The following HBEGF variants were observed in gnomAD, a reference collection of about 807,000 sequenced individuals.
HBEGF encodes the protein proheparin-binding EGF-like growth factor.
In HBEGF, 8 loss-of-function variants were observed where a neutral mutation model predicts 19.5. The ratio of observed to expected loss-of-function variants is 0.41; its 90% CI spans 0.24 to 0.74. The LOEUF is 0.74. Among genes scored for constraint, HBEGF ranks in the 30% least tolerant of loss-of-function variants. The pLI is 0.32. For missense variants in HBEGF, 207 were observed against 256.9 expected (o/e 0.81, Z 1.33); for synonymous variants, 97 against 108.9 (o/e 0.89, Z 0.68).
chr5:140,343,032 G>A, intron 2 of HBEGF: 4 of 548,518 alleles, frequency 7.3e-6, no homozygotes, highest in Non-Finnish European at 1.3e-5. Context: ...AGCTAGGGTG[G>A]GTCCCAAGGA....
chr5:140,344,492 T>A (rs1766364665), intron 2 of HBEGF, among the ~76,000 whole-genome samples: 2 of 152,158 alleles, frequency 1.3e-5, no homozygotes, highest in South Asian at 4.1e-4. Context: ...GGATAACATA[T>A]CAAGTGCCTA....
At chr5:140,345,275 C>G (rs968448195) in intron 2 of HBEGF, among the ~76,000 whole-genome samples, 1 of 152,192 alleles carries the variant, frequency 6.6e-6, no homozygotes, top group African/African-American at 2.4e-5. Flanking sequence ...CACAGCCCTC[C>G]CCATTTGGAG....
Position 140,342,813 on chromosome 5 carries a change from C to G in HBEGF, c.221-1G>C. The G allele has an allele frequency of 6.2e-7, 1 of 1,614,094 alleles. No individual in the cohort carries two copies. Among genetic ancestry groups the G allele is most frequent in the East Asian group, 2.2e-5 (1 of 44,886 alleles). On this transcript the variant is annotated splice_acceptor_variant, in intron 2 of 5. Transcript: ENST00000230990. LOFTEE classifies it high-confidence loss of function. ...GCTTGTGGCTTGGAGGATAAAGTGACTGTAGGAGAAAAGCACTCTGTTAAA... is the reference window on the plus strand; with the variant it reads ...GCTTGTGGCTTGGAGGATAAAGTGAGTGTAGGAGAAAAGCACTCTGTTAAA...
In HBEGF at chr5:140,346,488, T is replaced by A; in HGVS notation, c.-160A>T. 1.3e-6 allele frequency: 1 copy of A among 781,628 alleles called. No individual in the cohort carries two copies. Among genetic ancestry groups the A allele is most frequent in the Non-Finnish European group, 2.1e-6 (1 of 484,016 alleles). 48.4% of individuals were successfully genotyped at this position (781,628 alleles called of 1,614,324 possible). On this transcript the variant is annotated 5_prime_UTR_variant, in exon 1 of 6. Transcript: ENST00000230990. This position sits in a 1 kb window ranked among gnomAD's most constrained non-coding sequence, Gnocchi z 6.1. Reference sequence around the variant, plus strand: ...AGCCTGGCCGGGACCCAGGCGCAGCTCGCTCTTCTTGAGTGTCTTGTCTTG... The same window carrying A: ...AGCCTGGCCGGGACCCAGGCGCAGCACGCTCTTCTTGAGTGTCTTGTCTTG...
rs917645266 is a variant in HBEGF at position 140,333,238 on chromosome 5, G to C, written c.*1061C>G. On this transcript the variant is annotated 3_prime_UTR_variant, in exon 6 of 6. Transcript: ENST00000230990. ...CCACGCTGTGGGCCTGGGGCCATGGGGGTGAGGGACCAGGAAAGCTACAGG... is the reference window on the plus strand; with the variant it reads ...CCACGCTGTGGGCCTGGGGCCATGGCGGTGAGGGACCAGGAAAGCTACAGG... The C allele has an allele frequency of 4.6e-5, 7 of 153,718 alleles. No individual in the cohort carries two copies. Among genetic ancestry groups the C allele is most frequent in the African/African-American group, 1.7e-4 (7 of 41,470 alleles). 9.5% of individuals were successfully genotyped at this position (153,718 alleles called of 1,614,324 possible). A position where few individuals can be genotyped will look rare whatever the true frequency, so the allele number is the denominator to read the frequency against.
chr5:140,339,292 C>G (rs1437746337), intron 3 of HBEGF, among the ~76,000 whole-genome samples: 1 of 152,214 alleles, frequency 6.6e-6, no homozygotes, highest in African/African-American at 2.4e-5. Flanking sequence ...CCTCCTCAGC[C>G]CAAGTGTCCC....
intron 2 of HBEGF, chr5:140,343,033 G>T (rs956709118): frequency 1.8e-6 from 1 of 548,016 alleles, no homozygotes; most frequent in Non-Finnish European, 3.3e-6. Context: ...GCTAGGGTGG[G>T]TCCCAAGGAA....
At chr5:140,344,668 C>T (rs931251231) in intron 2 of HBEGF, among the ~76,000 whole-genome samples, 1 of 151,974 alleles carries the variant, frequency 6.6e-6, no homozygotes, top group East Asian at 1.9e-4. Context: ...CCCAGGCCCC[C>T]TCAGAGCTCA....
chr5:140,335,262 TAGTCCCAGCTACTC>T (rs1766210334), intron 4 of HBEGF: 3 of 156,538 alleles, frequency 1.9e-5, no homozygotes, highest in African/African-American at 7.3e-5. Flanking sequence ...CGGGTGCCTG[TAGTCCCAGCTACTC>T]AGGAGGCTGA....
chr5:140,342,959 A>ACT, intron 2 of HBEGF, 147 bp from the exon 3 acceptor site: 5 of 747,326 alleles, frequency 6.7e-6, no homozygotes, highest in Non-Finnish European at 1.1e-5. Context: ...CCTAAGAGGC[A>ACT]GAAGGAAGAG....
intron 3 of HBEGF, among the ~76,000 whole-genome samples, chr5:140,337,557 G>C (rs148142686): frequency 1.3e-5 from 2 of 152,242 alleles, no homozygotes; most frequent in Middle Eastern, 3.4e-3. Flanking sequence ...TTCTTCCTGC[G>C]GACAGAGCAC....
chr5:140,344,644 T>G (rs749269471), intron 2 of HBEGF, among the ~76,000 whole-genome samples: 3 of 151,904 alleles, frequency 2.0e-5, no homozygotes, highest in Non-Finnish European at 4.4e-5. Context: ...GTCTTTCATT[T>G]CCTCTCATCC....
chr5:140,337,592 T>G (rs1435481553), intron 3 of HBEGF, among the ~76,000 whole-genome samples: 1 of 152,190 alleles, frequency 6.6e-6, no homozygotes, highest in African/African-American at 2.4e-5. Flanking sequence ...GAGACAGACT[T>G]GTCCACAACC....
rs1581113828 is a variant in HBEGF, at chr5:140,342,716, T to C, written c.317A>G (p.Asp106Gly). ...GTCCTTGTATTTCCGAAGACATGGG[T>C]CCCTCTTCTTCCCTAGCCCCTTGCC... The part of the protein sequence containing the change: ...KKGKGLGKKR[D>G]PCLRKYKDFC... The change falls in exon 3 of 6, where the codon GAC becomes GGC. Residue 106 changes from aspartate (D) to glycine (G), a missense_variant. Asp to Gly is a moderately conservative substitution (Grantham distance 94). Coordinates refer to ENST00000230990, the MANE Select transcript of HBEGF (RefSeq NM_001945.3). 2 of 1,614,132 alleles carry C rather than the reference T, an allele frequency of 1.2e-6. No individual in the cohort carries two copies. Among genetic ancestry groups the C allele is most frequent in the Non-Finnish European group, 1.7e-6 (2 of 1,180,016 alleles).
At chr5:140,341,896 A>G (rs552589936) in intron 3 of HBEGF, among the ~76,000 whole-genome samples, 50 of 152,262 alleles carry the variant, frequency 3.3e-4, no homozygotes, top group Non-Finnish European at 6.5e-4. Flanking sequence ...TTGGCTTAGG[A>G]GAGAGGCTAA....
intron 3 of HBEGF, among the ~76,000 whole-genome samples, chr5:140,338,654 T>C (rs561712698): frequency 6.6e-6 from 1 of 152,196 alleles, no homozygotes; most frequent in South Asian, 2.1e-4. Context: ...CCCCTCCCTT[T>C]GCAGACAACT....
chr5:140,337,692 C>T (rs553827824), intron 3 of HBEGF, among the ~76,000 whole-genome samples: 2 of 152,236 alleles, frequency 1.3e-5, no homozygotes, highest in African/African-American at 2.4e-5. Flanking sequence ...CTGGGTACTT[C>T]GAGAAACCAC....
rs1766222958 is a variant in HBEGF at position 140,336,036 on chromosome 5, A to C, written c.399-9T>G. ...GGTAACCCGGGTGGCAGCTAGTTCA[A>C]GACAGAACAAGAAGGAGATGGAGTT... On this transcript the variant is annotated splice_polypyrimidine_tract_variant and intron_variant, in intron 3 of 5. Coordinates refer to ENST00000230990, the MANE Select transcript of HBEGF (RefSeq NM_001945.3). The C allele has an allele frequency of 6.2e-7, 1 of 1,612,998 alleles. No individual in the cohort carries two copies.
Position 140,339,611 on chromosome 5 carries a change from C to T in HBEGF, c.398+3024G>A, listed in dbSNP as rs144308878. On this transcript the variant is annotated intron_variant, in intron 3 of 5. Transcript: ENST00000230990. Reference sequence around the variant, plus strand: ...GTTTCTCTATGTTGGCCAGGCTGGTCTCGAACTCCTGACCTCAGGCGACCC... The same window carrying T: ...GTTTCTCTATGTTGGCCAGGCTGGTTTCGAACTCCTGACCTCAGGCGACCC... 2.5e-4 allele frequency among the ~76,000 whole-genome samples: 38 copies of T among 152,182 alleles called. No individual in the cohort carries two copies. The East Asian group carries it at 7.0e-3, about 28-fold the overall frequency.
Sources: allele counts gnomAD v4.1 joint callset (sites outside exome capture counted in the v4.1 genomes callset), GRCh38; gene constraint gnomAD v4.1.1; non-coding constraint Gnocchi (gnomAD v3.1); transcripts MANE v1.5; gene names NCBI Gene and HGNC (gene_info 2026-07-23, HGNC 2026-07-21).